FOXP2: variants seen among roughly 807,000 people sequenced by gnomAD.
The protein encoded by FOXP2 is forkhead box protein P2.
Under a neutral mutation model 115.8 loss-of-function variants are expected in FOXP2, and 12 were observed. That is an observed-to-expected ratio of 0.10 (90% CI 0.07 to 0.17). FOXP2 has a LOEUF of 0.17. Among genes scored for constraint, FOXP2 ranks in the 10% least tolerant of loss-of-function variants. FOXP2 has a pLI of 1.00. For missense variants in FOXP2, 629 were observed against 843.5 expected, an observed-to-expected ratio of 0.75 and a Z score of 3.15; for synonymous variants, 328 against 297.7, an observed-to-expected ratio of 1.10 and a Z score of -1.05.
At chr7:114,242,753 T>C (rs1795186335) in intron 1 of FOXP2, among the ~76,000 whole-genome samples, 1 of 152,122 alleles carries the variant, frequency 6.6e-6, no homozygotes, top group South Asian at 2.1e-4. Context: ...AAGAACAGAC[T>C]CTCCTCTCTC....
chr7:114,263,956 T>C (rs1382929854), intron 1 of FOXP2, among the ~76,000 whole-genome samples: 5 of 152,032 alleles, frequency 3.3e-5, no homozygotes, highest in Non-Finnish European at 5.9e-5. Context: ...TTGTGTGTTT[T>C]AAAATCTTTA....
chr7:114,333,345 ACTT>A (rs780530855), intron 2 of FOXP2, among the ~76,000 whole-genome samples: 1 of 152,192 alleles, frequency 6.6e-6, no homozygotes, highest in Non-Finnish European at 1.5e-5. Context: ...ATCTACTTTT[ACTT>A]CTTTGCTACT....
At chr7:114,205,709 G>A (rs1476846676) in intron 1 of FOXP2, among the ~76,000 whole-genome samples, 1 of 152,162 alleles carries the variant, frequency 6.6e-6, no homozygotes, top group Non-Finnish European at 1.5e-5. Context: ...GGAGAGGGAT[G>A]TAGTTTCAAT....
intron 13 of FOXP2, among the ~76,000 whole-genome samples, chr7:114,660,625 T>C (rs1806810182): frequency 6.6e-6 from 1 of 152,178 alleles, no homozygotes; most frequent in African/African-American, 2.4e-5. Context: ...CAGTATGTGG[T>C]ACTGTAAATG....
In FOXP2 at chr7:114,399,849, C is replaced by CTT. The variant is rs1431053557; in HGVS notation, c.-10-26637_-10-26636dup. 1.4e-3 allele frequency among the ~76,000 whole-genome samples: 179 copies of CTT among 131,450 alleles called. 2 individuals are homozygous for CTT. The highest frequency in any genetic ancestry group is 4.6e-3 in the African/African-American group (168 of 36,130). 86.2% of individuals were successfully genotyped at this position (131,450 alleles called of 152,430 possible). A position where few individuals can be genotyped will look rare whatever the true frequency, so the allele number is the denominator to read the frequency against. On this transcript the variant is annotated intron_variant, in intron 2 of 17. Coordinates refer to the FOXP2 transcript ENST00000634411. ...TTCGAAGTGTCAAAATCATCATTTTCTTTTTTTTTTTTTTTTTCCTTTTTT... is the reference window on the plus strand; with the variant it reads ...TTCGAAGTGTCAAAATCATCATTTTCTTTTTTTTTTTTTTTTTTTCCTTTTTT...
chr7:114,242,937 A>G (rs1795190929), intron 1 of FOXP2, among the ~76,000 whole-genome samples: 1 of 152,206 alleles, frequency 6.6e-6, no homozygotes, highest in Non-Finnish European at 1.5e-5. Flanking sequence ...GGGAATACCT[A>G]GCACTTACAT....
intron 2 of FOXP2, among the ~76,000 whole-genome samples, chr7:114,295,712 G>A (rs192119471): frequency 6.6e-6 from 1 of 152,310 alleles, no homozygotes; most frequent in Non-Finnish European, 1.5e-5. Context: ...TTATTAAGGA[G>A]CTCTTCATGT....
chr7:114,308,839 C>T (rs1797076237), intron 2 of FOXP2, among the ~76,000 whole-genome samples: 1 of 152,152 alleles, frequency 6.6e-6, no homozygotes, highest in South Asian at 2.1e-4. Flanking sequence ...GCTGATTAGA[C>T]TGAAACGGTG....
Position 114,477,666 on chromosome 7 carries a change from A to C in FOXP2, c.168+50987A>C, listed in dbSNP as rs181900950. ...TGTAAACATTGAAAGTAATCTCTCTATATATAAATATAAACTGATACATAT... is the reference window on the plus strand; with the variant it reads ...TGTAAACATTGAAAGTAATCTCTCTCTATATAAATATAAACTGATACATAT... On this transcript the variant is annotated intron_variant, in intron 2 of 16. Coordinates refer to ENST00000350908, the MANE Select transcript of FOXP2 (RefSeq NM_014491.4). 3.5e-3 allele frequency among the ~76,000 whole-genome samples: 531 copies of C among 152,006 alleles called. 2 individuals are homozygous for C. The highest frequency in any genetic ancestry group is 6.6e-3 in the East Asian group (34 of 5,182).
chr7:114,504,666 T>G (rs1321252239), intron 2 of FOXP2, among the ~76,000 whole-genome samples: 1 of 151,684 alleles, frequency 6.6e-6, no homozygotes, highest in Non-Finnish European at 1.5e-5. Context: ...GCAGAGAATG[T>G]CATGTCAACA....
At chr7:114,269,531 T>A (rs757863473) in intron 1 of FOXP2, among the ~76,000 whole-genome samples, 14 of 152,158 alleles carry the variant, frequency 9.2e-5, no homozygotes, top group Non-Finnish European at 1.6e-4. Flanking sequence ...GCTAAAGCAA[T>A]CCTCCAGTCT....
intron 10 of FOXP2, 106 bp downstream of exon 10, chr7:114,654,115 T>C (rs1161774128): frequency 2.5e-6 from 4 of 1,592,580 alleles, no homozygotes; most frequent in African/African-American, 1.3e-5. Context: ...TGATGAAAAA[T>C]ACGGCAATAA....
At chr7:114,473,410 G>C (rs1461349469) in intron 2 of FOXP2, among the ~76,000 whole-genome samples, 2 of 152,176 alleles carry the variant, frequency 1.3e-5, no homozygotes, top group Non-Finnish European at 2.9e-5. Flanking sequence ...AGAGGCCATA[G>C]TAGGCAGGAA....
At chr7:114,584,599 C>G (rs1477688605) in intron 3 of FOXP2, among the ~76,000 whole-genome samples, 1 of 152,164 alleles carries the variant, frequency 6.6e-6, no homozygotes, top group Non-Finnish European at 1.5e-5. Context: ...TCTCTAAAAT[C>G]TACCCTCTTT....
rs1479644433 is a variant in FOXP2, at chr7:114,692,711, A to C, written c.*2785A>C. 1 of 445,682 alleles carries C rather than the reference A, an allele frequency of 2.2e-6. No individual in the cohort carries two copies. The highest frequency in any genetic ancestry group is 2.0e-5 in the African/African-American group (1 of 49,522). 27.6% of individuals were successfully genotyped at this position (445,682 alleles called of 1,614,324 possible). ...TAATGTCTGACAATTTAAATGGCTCATGTATTCTTGCTTCTATCATAAGCT... is the reference window on the plus strand; with the variant it reads ...TAATGTCTGACAATTTAAATGGCTCCTGTATTCTTGCTTCTATCATAAGCT... On this transcript the variant is annotated 3_prime_UTR_variant, in exon 17 of 17. Transcript: ENST00000350908.
chr7:114,108,521 A>G (rs1051989685), intron 1 of FOXP2, among the ~76,000 whole-genome samples: 7 of 151,922 alleles, frequency 4.6e-5, no homozygotes, highest in Non-Finnish European at 1.0e-4. Flanking sequence ...AACTGCCATT[A>G]GACCTAATTA....
Position 114,690,129 on chromosome 7 carries a change from C to CTTTT in FOXP2, c.*217_*220dup, listed in dbSNP as rs398005924. 25 of 421,022 alleles carry CTTTT rather than the reference C, an allele frequency of 5.9e-5. No homozygotes were observed. Among genetic ancestry groups the CTTTT allele is most frequent in the African/African-American group, 1.5e-4 (6 of 40,092 alleles). 26.1% of individuals were successfully genotyped at this position (421,022 alleles called of 1,614,324 possible). On this transcript the variant is annotated 3_prime_UTR_variant, in exon 17 of 17. Transcript: ENST00000350908. ...TGCTTGTTTTCTTCTTCTTCTTCTT[C>CTTTT]TTTTTTTTTTTTTTTTTAGAAAAAA...
intron 3 of FOXP2, among the ~76,000 whole-genome samples, chr7:114,583,394 C>T (rs1801968532): frequency 6.6e-6 from 1 of 151,782 alleles, no homozygotes; most frequent in Admixed American, 6.6e-5. Context: ...AAGCAAAAAA[C>T]AAGAAACTTT....
chr7:114,584,813 T>A (rs1322647712), intron 3 of FOXP2, among the ~76,000 whole-genome samples: 1 of 152,188 alleles, frequency 6.6e-6, no homozygotes, highest in Admixed American at 6.5e-5. Context: ...CCGTATGGAT[T>A]GGAAAGTTCC....
Sources: gnomAD v4.1 joint callset for allele counts (sites outside exome capture counted in the v4.1 genomes callset) on GRCh38, gnomAD v4.1.1 for gene constraint, MANE v1.5 for transcripts, NCBI Gene and HGNC (gene_info 2026-07-23, HGNC 2026-07-21) for gene names.